PCDHGA3: variants seen among roughly 807,000 people sequenced by gnomAD.
The protein encoded by PCDHGA3 is protocadherin gamma-A3.
In PCDHGA3, 40 loss-of-function variants were observed where a neutral mutation model predicts 58.5. That is an observed-to-expected ratio of 0.68 (90% confidence interval 0.53 to 0.89). The LOEUF is 0.89. Ranked by LOEUF, PCDHGA3 falls within the 40% of genes least tolerant of loss-of-function variation. The probability of loss-of-function intolerance (pLI) is 0.00; values close to 1 mark genes in which losing one functional copy is unlikely to be tolerated. For synonymous variants in PCDHGA3, 530 were observed against 525.7 expected, an observed-to-expected ratio of 1.01 and a Z score of -0.11; for missense variants, 1,223 against 1,195.9, an observed-to-expected ratio of 1.02 and a Z score of -0.33.
intron 1 of PCDHGA3, chr5:141,374,363 G>A: frequency 6.2e-7 from 1 of 1,614,034 alleles, no homozygotes; most frequent in Non-Finnish European, 8.5e-7. Context: ...AGACCGCGAG[G>A]AGCTCTGTGC....
At chr5:141,399,194 C>G in intron 1 of PCDHGA3, 1 of 1,613,838 alleles carries the variant, frequency 6.2e-7, no homozygotes, top group Non-Finnish European at 8.5e-7. Context: ...CTGGAAAACG[C>G]GGTGCCTGGA....
intron 1 of PCDHGA3, chr5:141,390,448 A>C (rs1023664408): frequency 3.5e-6 from 3 of 845,190 alleles, no homozygotes; most frequent in Non-Finnish European, 5.4e-6. Context: ...ACAAAGGAGG[A>C]GTAAAGTAGG....
At chr5:141,401,098 C>T (rs1589430206) in intron 1 of PCDHGA3, among the ~76,000 whole-genome samples, 1 of 152,110 alleles carries the variant, frequency 6.6e-6, no homozygotes, top group East Asian at 1.9e-4. Context: ...AATCCCAGCA[C>T]TTTGGGAGGC....
chr5:141,491,712 G>A lies in PCDHGA3; in HGVS notation c.2425-3095G>A, dbSNP rs932849130. On this transcript the variant is annotated intron_variant, in intron 1 of 3. Coordinates refer to ENST00000253812, the MANE Select transcript of PCDHGA3 (RefSeq NM_018916.4). The surrounding 1 kb of genome is among the most constrained non-coding windows in gnomAD (Gnocchi z 6.9). Reference sequence around the variant, plus strand: ...GGGAGCGGAGCCAGGTGAGGGGCTCGGCGCCGCCCCGGGCGACCCCTGGGG... The same window carrying A: ...GGGAGCGGAGCCAGGTGAGGGGCTCAGCGCCGCCCCGGGCGACCCCTGGGG... The A allele has an allele frequency of 1.2e-6, 2 of 1,609,290 alleles. No homozygotes were observed. Among genetic ancestry groups the A allele is most frequent in the East Asian group, 2.2e-5 (1 of 44,760 alleles).
At chr5:141,404,703 C>T (rs545479443) in intron 1 of PCDHGA3, 3 of 1,614,124 alleles carry the variant, frequency 1.9e-6, no homozygotes, top group African/African-American at 2.7e-5. Flanking sequence ...TCTGCAGAGC[C>T]TGGCTACCTG....
At chr5:141,497,077 G>A (rs191605427) in intron 2 of PCDHGA3, among the ~76,000 whole-genome samples, 4 of 151,990 alleles carry the variant, frequency 2.6e-5, no homozygotes, top group East Asian at 3.9e-4. Flanking sequence ...TAATCCCAGC[G>A]ACTTAGGAGG....
chr5:141,500,618 C>T (rs554274946), intron 2 of PCDHGA3, among the ~76,000 whole-genome samples: 1 of 152,262 alleles, frequency 6.6e-6, no homozygotes, highest in South Asian at 2.1e-4. Flanking sequence ...CCCAGTCATA[C>T]GGTACATTTC....
rs762845266 is a variant in PCDHGA3 at position 141,343,976 on chromosome 5, G to A, written c.-58G>A. The A allele has an allele frequency of 1.1e-5, 15 of 1,391,488 alleles. No homozygotes were observed. The highest frequency in any genetic ancestry group is 2.9e-5 in the African/African-American group (2 of 68,808). The allele number at this position is 1,391,488 out of a possible 1,614,324, so 86.2% of individuals were successfully genotyped here. A position where few individuals can be genotyped will look rare whatever the true frequency, so the allele number is the denominator to read the frequency against. On this transcript the variant is annotated 5_prime_UTR_variant, in exon 1 of 4. Transcript: ENST00000253812. ...CTTCGTTTCTTGAGAAAATAAGATT[G>A]GAGTCCGTCGTAGGAAACTGGAACC... is the stretch of plus-strand genomic sequence containing the variant.
At chr5:141,478,444 T>C (rs1190996745) in intron 1 of PCDHGA3, 1 of 1,613,478 alleles carries the variant, frequency 6.2e-7, no homozygotes, top group Non-Finnish European at 8.5e-7. Flanking sequence ...TGAAGAAACC[T>C]GGTGCAGCCA....
chr5:141,354,119 G>A (rs1369959038), intron 1 of PCDHGA3, among the ~76,000 whole-genome samples: 2 of 152,220 alleles, frequency 1.3e-5, no homozygotes, highest in African/African-American at 4.8e-5. Context: ...CTAAAGTAAA[G>A]TTAGAAATTG....
intron 1 of PCDHGA3, chr5:141,357,158 CT>C (rs1186682296): frequency 1.2e-6 from 2 of 1,613,554 alleles, no homozygotes; most frequent in Middle Eastern, 1.6e-4. Flanking sequence ...GGCCAGCCCC[CT>C]CTCTCGGCCA....
chr5:141,373,916 A>C (rs1769959777), intron 1 of PCDHGA3: 2 of 648,756 alleles, frequency 3.1e-6, no homozygotes, highest in African/African-American at 3.7e-5. Flanking sequence ...ACAACAAAGC[A>C]AATTAGACGG....
intron 1 of PCDHGA3, chr5:141,372,712 A>C (rs781319922): frequency 1.2e-6 from 2 of 1,613,946 alleles, no homozygotes; most frequent in South Asian, 2.2e-5. Flanking sequence ...ATAAAGGCTG[A>C]AAATGCTGCA....
intron 1 of PCDHGA3, among the ~76,000 whole-genome samples, chr5:141,465,094 G>GTT (rs138941665): frequency 3.4e-5 from 5 of 148,194 alleles, no homozygotes; most frequent in Non-Finnish European, 6.0e-5. Flanking sequence ...TTTTCTAGTA[G>GTT]TTTTTTTTTT....
intron 3 of PCDHGA3, chr5:141,507,418 A>T (rs2099860509): frequency 6.6e-6 from 1 of 152,204 alleles, no homozygotes; most frequent in Non-Finnish European, 1.5e-5. Context: ...CTGTGAGGTT[A>T]AGTGGGGCCA....
chr5:141,371,470 A>T (rs1215048137), intron 1 of PCDHGA3: 1 of 1,613,998 alleles, frequency 6.2e-7, no homozygotes, highest in Admixed American at 1.7e-5. Context: ...ATACAAGAAG[A>T]TGCTGAGCTG....
intron 1 of PCDHGA3, chr5:141,422,369 G>A (rs890803753): frequency 6.4e-7 from 1 of 1,566,400 alleles, no homozygotes; most frequent in Non-Finnish European, 8.6e-7. Flanking sequence ...GGAGAAAATG[G>A]TCAAGTCTCC....
chr5:141,371,438 CCTGGCTT>C (rs750409810), intron 1 of PCDHGA3: 1 of 1,613,882 alleles, frequency 6.2e-7, no homozygotes, highest in Non-Finnish European at 8.5e-7. Context: ...CGGAGATAAC[CCTGGCTT>C]CTGAATCCCA....
At chr5:141,488,834 G>A (rs976460724) in intron 1 of PCDHGA3, among the ~76,000 whole-genome samples, 1 of 152,160 alleles carries the variant, frequency 6.6e-6, no homozygotes, top group Admixed American at 6.5e-5. Context: ...GCTGCCAAGG[G>A]GGCTGAATCA....
Sources: allele counts gnomAD v4.1 joint callset (sites outside exome capture counted in the v4.1 genomes callset), GRCh38; gene constraint gnomAD v4.1.1; non-coding constraint Gnocchi (gnomAD v3.1); transcripts MANE v1.5; gene names NCBI Gene and HGNC (gene_info 2026-07-23, HGNC 2026-07-21).